Variants in DISC1 observed in about 807,000 individuals in gnomAD.
DISC1 encodes the protein DISC1 scaffold protein.
Under a neutral mutation model 84.5 loss-of-function variants are expected in DISC1, and 57 were observed. The observed-to-expected ratio is 0.67, with a 90% CI of 0.55 to 0.84. The LOEUF (loss-of-function observed/expected upper bound fraction) is 0.84, where lower values mean the gene tolerates loss of function less well. Among genes scored for constraint, DISC1 ranks in the 40% least tolerant of loss-of-function variants. The probability of loss-of-function intolerance (pLI) is 0.00; values close to 1 mark genes in which losing one functional copy is unlikely to be tolerated. For missense variants in DISC1, 1,000 were observed against 1,057.8 expected, an observed-to-expected ratio of 0.95 and a Z score of 0.76; for synonymous variants, 411 against 415.2, an observed-to-expected ratio of 0.99 and a Z score of 0.12.
In DISC1 at chr1:231,669,436, C is replaced by T. The variant is rs557752306; in HGVS notation, c.68-24390C>T. Among the ~76,000 whole-genome samples, 4 of 152,244 alleles carry T rather than the reference C, an allele frequency of 2.6e-5. No homozygotes were observed. In the South Asian group the frequency reaches 8.3e-4, roughly 32 times the overall value. On this transcript the variant is annotated intron_variant, in intron 1 of 12. Coordinates refer to ENST00000439617, the MANE Select transcript of DISC1 (RefSeq NM_018662.3). ...AAAAACTATCAACACAGTAAACAGA[C>T]AACCTACAGAATGGGAGAAAATTTT...
At chr1:231,735,785 C>T (rs1261881612) in intron 3 of DISC1, among the ~76,000 whole-genome samples, 1 of 152,176 alleles carries the variant, frequency 6.6e-6, no homozygotes, top group Non-Finnish European at 1.5e-5. Flanking sequence ...TCTTATTCCT[C>T]ATCCAAACTG....
chr1:231,967,195 T>G (rs936024249), intron 10 of DISC1, among the ~76,000 whole-genome samples: 105 of 152,218 alleles, frequency 6.9e-4, no homozygotes, highest in African/African-American at 2.4e-3. Context: ...GAGCAGCACC[T>G]GAAAGACCAA....
intron 6 of DISC1, among the ~76,000 whole-genome samples, chr1:231,775,765 T>C (rs1333908539): frequency 6.6e-6 from 1 of 152,162 alleles, no homozygotes; most frequent in East Asian, 1.9e-4. Flanking sequence ...TTAAAACAAG[T>C]GCCTTGTTTT....
At position 231,818,521 on chromosome 1, in the gene DISC1, G is replaced by A; in HGVS notation, c.1981+4G>A. The A allele has an allele frequency of 6.2e-7, 1 of 1,613,998 alleles. No homozygotes were observed. Among genetic ancestry groups the A allele is most frequent in the Non-Finnish European group, 8.5e-7 (1 of 1,179,940 alleles). On this transcript the variant is annotated splice_donor_region_variant and intron_variant, in intron 9 of 12. Transcript: ENST00000439617. ...GAGCACCAGGAGACTGCCTATGGTA[G>A]GTAGTGCACAACTGTTCCCCGGCAA... is the stretch of plus-strand genomic sequence containing the variant.
At chr1:231,934,386 C>T (rs1486103050) in intron 9 of DISC1, among the ~76,000 whole-genome samples, 3 of 152,180 alleles carry the variant, frequency 2.0e-5, no homozygotes, top group Non-Finnish European at 4.4e-5. Context: ...GTATCCAGGG[C>T]GTGGAGGCCA....
rs2064576887 is a variant in DISC1, at chr1:231,688,425, C to T, written c.68-5401C>T. Among the ~76,000 whole-genome samples the T allele has an allele frequency of 2.0e-5, 3 of 152,312 alleles. No individual in the cohort carries two copies. The South Asian group carries it at 6.2e-4, about 32-fold the overall frequency. The stretch of plus-strand genomic sequence containing the variant: ...CGTCTGCATCGGGACTGACTTGTGG[C>T]ATTCATTTTCTCAAAGGGCAAAAAA... On this transcript the variant is annotated intron_variant, in intron 1 of 12. Coordinates refer to ENST00000439617, the MANE Select transcript of DISC1 (RefSeq NM_018662.3).
intron 11 of DISC1, among the ~76,000 whole-genome samples, chr1:232,017,480 C>CTTTT (rs56672398): frequency 1.5e-5 from 2 of 132,820 alleles, no homozygotes. Flanking sequence ...AACACCTGTC[C>CTTTT]TTTTTTTTTT....
At chr1:231,790,544 A>G (rs1573846730) in intron 6 of DISC1, among the ~76,000 whole-genome samples, 1 of 150,946 alleles carries the variant, frequency 6.6e-6, no homozygotes, top group Admixed American at 6.6e-5. Flanking sequence ...TTCAAGATAC[A>G]GTCTCCCTCT....
rs377426796 is a variant in DISC1 at position 231,770,877 on chromosome 1, G to C, written c.1441G>C (p.Ala481Pro). ...CCAAGCAAGGATGTTTGTGCTGGAA[G>C]CCAAAGATCAACAGCTGAGAAGGGA... ...ALQARMFVLE[A>P]KDQQLRREIE... Residue 481 changes from alanine to proline, a missense_variant, in exon 6 of 13, where the codon GCC becomes CCC. Ala to Pro is a conservative substitution (Grantham distance 27). Coordinates refer to ENST00000439617, the MANE Select transcript of DISC1 (RefSeq NM_018662.3). 1 of 1,614,116 alleles carries C rather than the reference G, an allele frequency of 6.2e-7. No individual in the cohort carries two copies. Among genetic ancestry groups the C allele is most frequent in the Non-Finnish European group, 8.5e-7 (1 of 1,180,060 alleles).
intron 4 of DISC1, 86 bp from the exon 5 acceptor site, chr1:231,767,054 C>T (rs1234916181): frequency 1.9e-6 from 3 of 1,570,454 alleles, no homozygotes; most frequent in Non-Finnish European, 2.6e-6. Context: ...GGGCCACTTG[C>T]TGGAGTTTCT....
Position 231,771,079 on chromosome 1 carries a change from G to C in DISC1, c.1634+9G>C. ...CCGGAAACCATAAGGAGGTACTGCT[G>C]ATTTCCTAACTGATTTTGGGTCGCT... On this transcript the variant is annotated intron_variant, in intron 6 of 12. Transcript: ENST00000439617. The C allele has an allele frequency of 6.3e-7, 1 of 1,574,836 alleles. No homozygotes were observed. The highest frequency in any genetic ancestry group is 1.8e-5 in the Admixed American group (1 of 54,608).
chr1:231,937,624 T>G (rs1572183858), intron 9 of DISC1, among the ~76,000 whole-genome samples: 1 of 152,196 alleles, frequency 6.6e-6, no homozygotes, highest in East Asian at 1.9e-4. Context: ...TCTGCGGCTC[T>G]GCTGGCTGGG....
At chr1:231,985,200 C>T (rs1355754038) in intron 10 of DISC1, among the ~76,000 whole-genome samples, 2 of 151,794 alleles carry the variant, frequency 1.3e-5, no homozygotes, top group Admixed American at 1.3e-4. Context: ...GTGGTGCATG[C>T]CTGTAATCCC....
At chr1:231,968,037 CTT>C (rs1661352161) in intron 10 of DISC1, among the ~76,000 whole-genome samples, 1 of 152,188 alleles carries the variant, frequency 6.6e-6, no homozygotes, top group South Asian at 2.1e-4. Flanking sequence ...CTAAGTAACA[CTT>C]TACAATGTAA....
In DISC1 at chr1:232,009,109, C is replaced by T; in HGVS notation, c.2307+60C>T. Reference sequence around the variant, plus strand: ...CTTATTCTAAGGGGTGCTTTGGGACCATGCTCCAAATGGGAACAATAAATA... The same window carrying T: ...CTTATTCTAAGGGGTGCTTTGGGACTATGCTCCAAATGGGAACAATAAATA... On this transcript the variant is annotated intron_variant, in intron 11 of 12. Coordinates refer to ENST00000439617, the MANE Select transcript of DISC1 (RefSeq NM_018662.3). This position sits in a 1 kb window ranked among gnomAD's most constrained non-coding sequence, Gnocchi z 4.6. 1 of 1,609,540 alleles carries T rather than the reference C, an allele frequency of 6.2e-7. No individual in the cohort carries two copies. The highest frequency in any genetic ancestry group is 8.5e-7 in the Non-Finnish European group (1 of 1,177,862).
intron 1 of DISC1, among the ~76,000 whole-genome samples, chr1:231,658,453 A>G (rs540666955): frequency 6.6e-6 from 1 of 152,234 alleles, no homozygotes; most frequent in East Asian, 1.9e-4. Flanking sequence ...CTCTCTTCCT[A>G]TTTGAACACC....
rs528066474 is a variant in DISC1 at position 231,916,122 on chromosome 1, A to G, written c.1982-42706A>G. On this transcript the variant is annotated intron_variant, in intron 9 of 12. Transcript: ENST00000439617. ...TCCTTTAAGAAAGTTGAGGTGAGAA[A>G]GAGTAGACAGTTTGTAAATGGAAGT... Among the ~76,000 whole-genome samples the G allele has an allele frequency of 1.4e-4, 21 of 152,328 alleles. No individual in the cohort carries two copies. The East Asian group carries it at 3.3e-3, about 24-fold the overall frequency.
At chr1:231,812,307 C>T (rs376190438) in intron 8 of DISC1, among the ~76,000 whole-genome samples, 1 of 152,268 alleles carries the variant, frequency 6.6e-6, no homozygotes, top group African/African-American at 2.4e-5. Flanking sequence ...CCCATCTTGG[C>T]TTGCCAAAGT....
At chr1:232,024,415 G>A (rs201632525) in intron 11 of DISC1, among the ~76,000 whole-genome samples, 83 of 151,952 alleles carry the variant, frequency 5.5e-4, no homozygotes, top group Non-Finnish European at 6.5e-4. Context: ...TTATATACTT[G>A]GATTTAATTG....
Sources: allele counts gnomAD v4.1 joint callset (sites outside exome capture counted in the v4.1 genomes callset), GRCh38; gene constraint gnomAD v4.1.1; non-coding constraint Gnocchi (gnomAD v3.1); transcripts MANE v1.5; gene names NCBI Gene and HGNC (gene_info 2026-07-23, HGNC 2026-07-21).